STX7: variants seen among roughly 807,000 people sequenced by gnomAD.
STX7 encodes the protein syntaxin-7.
STX7 carries 34 observed loss-of-function variants against 39.6 expected under a neutral mutation model. That is an observed-to-expected ratio of 0.86 (90% CI 0.65 to 1.14). STX7 has a LOEUF of 1.14. Ranked by LOEUF, STX7 falls within the 50% of genes most tolerant of loss-of-function variation. The probability of loss-of-function intolerance (pLI) is 0.00; values close to 1 mark genes in which losing one functional copy is unlikely to be tolerated. For missense variants in STX7, 284 were observed against 310.4 expected, an observed-to-expected ratio of 0.92 and a Z score of 0.64; for synonymous variants, 119 against 99.1, an observed-to-expected ratio of 1.20 and a Z score of -1.19.
At chr6:132,499,536 C>T (rs1775499442) in intron 2 of STX7, among the ~76,000 whole-genome samples, 1 of 152,182 alleles carries the variant, frequency 6.6e-6, no homozygotes, top group Non-Finnish European at 1.5e-5. Flanking sequence ...CAATTATCTG[C>T]TTTTATCTTA....
At chr6:132,507,805 T>C (rs1775744630) in intron 1 of STX7, among the ~76,000 whole-genome samples, 1 of 152,194 alleles carries the variant, frequency 6.6e-6, no homozygotes, top group Admixed American at 6.5e-5. Context: ...ACAAACACAT[T>C]GAATGAAAAA....
At chr6:132,500,407 C>T (rs1775529422) in intron 2 of STX7, among the ~76,000 whole-genome samples, 2 of 152,232 alleles carry the variant, frequency 1.3e-5, no homozygotes, top group East Asian at 3.9e-4. Context: ...TATTTCAAGC[C>T]CAGGTCTGCT....
chr6:132,497,781 T>A (rs1444921220), intron 2 of STX7, among the ~76,000 whole-genome samples: 1 of 152,208 alleles, frequency 6.6e-6, no homozygotes, highest in East Asian at 1.9e-4. Flanking sequence ...ATCCTTATAC[T>A]ATACATCACA....
intron 2 of STX7, among the ~76,000 whole-genome samples, chr6:132,487,905 C>T (rs932542662): frequency 9.9e-5 from 15 of 151,878 alleles, no homozygotes; most frequent in Admixed American, 6.6e-5. Context: ...CTTCGATTTC[C>T]ACTATGATTT....
intron 2 of STX7, among the ~76,000 whole-genome samples, chr6:132,493,334 T>C (rs1000968216): frequency 2.6e-5 from 4 of 152,202 alleles, no homozygotes; most frequent in Non-Finnish European, 5.9e-5. Flanking sequence ...CAATCACTGT[T>C]TGATATGGTT....
At chr6:132,477,948 A>C (rs1026272500) in intron 2 of STX7, among the ~76,000 whole-genome samples, 7 of 152,220 alleles carry the variant, frequency 4.6e-5, no homozygotes, top group Admixed American at 3.3e-4. Context: ...ACTGATAATT[A>C]AACTTTTATG....
intron 2 of STX7, among the ~76,000 whole-genome samples, chr6:132,480,785 A>T (rs1181055803): frequency 6.6e-6 from 1 of 152,240 alleles, no homozygotes; most frequent in African/African-American, 2.4e-5. Context: ...AATGGTTATT[A>T]TAACAGGAAA....
At chr6:132,474,364 G>A (rs908703490) in intron 3 of STX7, among the ~76,000 whole-genome samples, 21 of 150,978 alleles carry the variant, frequency 1.4e-4, no homozygotes, top group African/African-American at 4.6e-4. Context: ...TTAATGAATT[G>A]TGGTTTATTA....
intron 2 of STX7, among the ~76,000 whole-genome samples, chr6:132,495,984 A>T (rs1775412742): frequency 6.6e-6 from 1 of 152,216 alleles, no homozygotes; most frequent in Admixed American, 6.5e-5. Flanking sequence ...AGATGATTAA[A>T]AATGAAACAA....
chr6:132,471,552 A>T lies in STX7; in HGVS notation c.298T>A (p.Ser100Thr). 6.2e-7 allele frequency: 1 copy of T among 1,613,976 alleles called. No individual in the cohort carries two copies. The stretch of plus-strand genomic sequence containing the variant: ...TGGACCTTCTGGAAGTTTGTCAGTG[A>T]TGTTGTGAACTCTGCCACTAAGCGA... ...KDRLVAEFTT[S>T]LTNFQKVQRQ... Residue 100 changes from serine to threonine, a missense_variant, in exon 5 of 10, where the codon TCA becomes ACA. Coordinates refer to ENST00000367941, the MANE Select transcript of STX7 (RefSeq NM_003569.3).
chr6:132,512,854 A>G (rs978438521), intron 1 of STX7, among the ~76,000 whole-genome samples, 153 bp downstream of exon 1: 2 of 152,154 alleles, frequency 1.3e-5, no homozygotes, highest in African/African-American at 4.8e-5. Flanking sequence ...GAGCTGGGGC[A>G]GTCCCGCCCT....
intron 7 of STX7, 46 bp downstream of exon 7, chr6:132,469,905 T>A (rs1212239778): frequency 1.6e-5 from 24 of 1,473,578 alleles, no homozygotes; most frequent in Non-Finnish European, 2.2e-5. Flanking sequence ...GAGAACAAAC[T>A]CACTAAGACC....
At chr6:132,489,831 T>C (rs914979628) in intron 2 of STX7, among the ~76,000 whole-genome samples, 2 of 152,218 alleles carry the variant, frequency 1.3e-5, no homozygotes, top group Admixed American at 6.5e-5. Flanking sequence ...ACTTTAAAGG[T>C]AGAAAGGCAT....
Position 132,459,508 on chromosome 6 carries a change from C to T in STX7, c.*1250G>A, listed in dbSNP as rs1399556776. The T allele has an allele frequency of 6.6e-6, 1 of 152,188 alleles. No homozygotes were observed. Among genetic ancestry groups the T allele is most frequent in the Non-Finnish European group, 1.5e-5 (1 of 68,042 alleles). 9.4% of individuals were successfully genotyped at this position (152,188 alleles called of 1,614,324 possible). ...CATAGTCCTCATGAAATAGGCCTAA[C>T]CAGATACCTTTTAACTCATCTTTAT... On this transcript the variant is annotated 3_prime_UTR_variant, in exon 10 of 10. Transcript: ENST00000367941.
intron 4 of STX7, 125 bp downstream of exon 4, chr6:132,472,153 TCAAA>T (rs1344255427): frequency 1.4e-6 from 1 of 716,394 alleles, no homozygotes; most frequent in African/African-American, 1.8e-5. Flanking sequence ...TGAACTAATC[TCAAA>T]CAGAATTATT....
At chr6:132,509,044 C>T (rs1338498151) in intron 1 of STX7, among the ~76,000 whole-genome samples, 1 of 152,084 alleles carries the variant, frequency 6.6e-6, no homozygotes, top group Non-Finnish European at 1.5e-5. Context: ...CATTATGCCT[C>T]ATTATCATTA....
intron 2 of STX7, among the ~76,000 whole-genome samples, chr6:132,496,553 T>C (rs577461488): frequency 1.1e-4 from 17 of 152,278 alleles, no homozygotes; most frequent in Admixed American, 5.2e-4. Context: ...TTTATGAGCA[T>C]GCATTATGGA....
At chr6:132,471,441 G>C (rs1390638671) in intron 5 of STX7, 22 bp downstream of exon 5, 2 of 1,603,088 alleles carry the variant, frequency 1.2e-6, no homozygotes, top group African/African-American at 2.7e-5. Context: ...TTCATTTCTA[G>C]AATGTCTTTT....
chr6:132,465,089 A>G (rs1188721001), intron 8 of STX7, among the ~76,000 whole-genome samples: 1 of 152,132 alleles, frequency 6.6e-6, no homozygotes, highest in Non-Finnish European at 1.5e-5. Flanking sequence ...CACTTCTCTT[A>G]TACATACTGG....
Sources: gnomAD v4.1 joint callset for allele counts (sites outside exome capture counted in the v4.1 genomes callset) on GRCh38, gnomAD v4.1.1 for gene constraint, MANE v1.5 for transcripts, NCBI Gene and HGNC (gene_info 2026-07-23, HGNC 2026-07-21) for gene names.